Variants in KHDRBS2 observed in about 807,000 individuals in gnomAD.
KHDRBS2 encodes KH domain-containing, RNA-binding, signal transduction-associated protein 2.
A neutral mutation model predicts 44.3 loss-of-function variants in KHDRBS2; 26 were observed. The ratio of observed to expected loss-of-function variants is 0.59; its 90% CI spans 0.43 to 0.81. KHDRBS2 has a LOEUF of 0.81. Ranked by LOEUF, KHDRBS2 falls within the 40% of genes least tolerant of loss-of-function variation. The probability of loss-of-function intolerance (pLI) is 0.00; values close to 1 mark genes in which losing one functional copy is unlikely to be tolerated. For synonymous variants in KHDRBS2, 194 were observed against 151.1 expected (o/e 1.28, Z -2.08); for missense variants, 476 against 433.1 (o/e 1.10, Z -0.88).
chr6:61,655,194 G>T, the KHDRBS2 span, among the ~76,000 whole-genome samples: 1 of 149,936 alleles, frequency 6.7e-6, no homozygotes, highest in South Asian at 2.1e-4. Context: ...CCAAACACTA[G>T]GTTCTTAGAA....
intron 3 of KHDRBS2, among the ~76,000 whole-genome samples, chr6:62,033,337 A>T (rs1465624141): frequency 6.6e-6 from 1 of 151,988 alleles, no homozygotes; most frequent in African/African-American, 2.4e-5. Context: ...CTAGAGAAAG[A>T]TATCAATACT....
chr6:62,207,875 A>G (rs1828286308), intron 1 of KHDRBS2, among the ~76,000 whole-genome samples: 1 of 152,158 alleles, frequency 6.6e-6, no homozygotes, highest in Non-Finnish European at 1.5e-5. Flanking sequence ...AATAACATAC[A>G]CATCATCTCA....
chr6:61,796,635 T>A (rs535815645), intron 6 of KHDRBS2, among the ~76,000 whole-genome samples: 17 of 152,076 alleles, frequency 1.1e-4, no homozygotes, highest in Non-Finnish European at 2.1e-4. Context: ...GACAAAAGAA[T>A]CTACACAAAT....
rs1393107110 is a variant in KHDRBS2, at chr6:62,090,737, T to C, written c.220-42743A>G. Among the ~76,000 whole-genome samples the C allele has an allele frequency of 4.6e-5, 7 of 152,272 alleles. No homozygotes were observed. In the South Asian group the frequency reaches 8.3e-4, roughly 18 times the overall value. ...AGAAGTTGCTAAAATGAAGTATATA[T>C]GACAAATGTTACCCTTCATTTAAGT... is the stretch of plus-strand genomic sequence containing the variant. On this transcript the variant is annotated intron_variant, in intron 2 of 8. Coordinates refer to ENST00000281156, the MANE Select transcript of KHDRBS2 (RefSeq NM_152688.4).
At chr6:61,672,207 G>GGT in the KHDRBS2 span, among the ~76,000 whole-genome samples, 20 of 150,428 alleles carry the variant, frequency 1.3e-4, no homozygotes, top group African/African-American at 4.9e-4. Context: ...AGTATTCCAT[G>GGT]GTGTATATGT....
At chr6:62,281,465 C>A (rs2150196779) in intron 1 of KHDRBS2, among the ~76,000 whole-genome samples, 1 of 151,886 alleles carries the variant, frequency 6.6e-6, no homozygotes, top group East Asian at 1.9e-4. Context: ...ACTAAAAATA[C>A]AAAAATTAGC....
intron 2 of KHDRBS2, among the ~76,000 whole-genome samples, chr6:62,139,450 G>T (rs1382929685): frequency 6.6e-6 from 1 of 151,878 alleles, no homozygotes; most frequent in African/African-American, 2.4e-5. Flanking sequence ...TTACTTGGGA[G>T]GCTGAGGCAG....
rs181313909 is a variant in KHDRBS2, at chr6:62,144,586, T to C, written c.219+32599A>G. Among the ~76,000 whole-genome samples the C allele has an allele frequency of 4.9e-3, 744 of 152,044 alleles. 4 individuals are homozygous for C. Among genetic ancestry groups the C allele is most frequent in the Non-Finnish European group, 7.7e-3 (524 of 67,834 alleles). On this transcript the variant is annotated intron_variant, in intron 2 of 8. Coordinates refer to ENST00000281156, the MANE Select transcript of KHDRBS2 (RefSeq NM_152688.4). ...GCTCTTTACAAATATATTTAATGATTTGGATCTCATTTTCATCTTACCAAT... is the reference window on the plus strand; with the variant it reads ...GCTCTTTACAAATATATTTAATGATCTGGATCTCATTTTCATCTTACCAAT...
At chr6:62,089,121 A>T (rs1798996901) in intron 2 of KHDRBS2, among the ~76,000 whole-genome samples, 1 of 152,120 alleles carries the variant, frequency 6.6e-6, no homozygotes, top group Non-Finnish European at 1.5e-5. Flanking sequence ...TGCTGGCAGC[A>T]ATAATTTCAT....
chr6:62,117,267 G>A (rs114231052), intron 2 of KHDRBS2, among the ~76,000 whole-genome samples: 2 of 152,002 alleles, frequency 1.3e-5, no homozygotes, highest in Non-Finnish European at 2.9e-5. Flanking sequence ...AGCATATGTT[G>A]TTTTTTGTCT....
At chr6:61,939,742 A>G (rs1811772173) in intron 4 of KHDRBS2, among the ~76,000 whole-genome samples, 1 of 152,232 alleles carries the variant, frequency 6.6e-6, no homozygotes, top group African/African-American at 2.4e-5. Context: ...GAATTATTCA[A>G]TGTGAATTAT....
rs372746866 is a variant in KHDRBS2, at chr6:62,215,947, A to G, written c.92-38635T>C. On this transcript the variant is annotated intron_variant, in intron 1 of 8. Coordinates refer to ENST00000281156, the MANE Select transcript of KHDRBS2 (RefSeq NM_152688.4). ...CTCTATGATTGTTTATATGTCATAA[A>G]CTATATTTCCGTGAAGTTGGTATCA... Among the ~76,000 whole-genome samples, 14 of 151,942 alleles carry G rather than the reference A, an allele frequency of 9.2e-5. No homozygotes were observed. The East Asian group carries it at 2.5e-3, about 27-fold the overall frequency.
chr6:61,652,927 A>G, the KHDRBS2 span, among the ~76,000 whole-genome samples: 1 of 152,240 alleles, frequency 6.6e-6, no homozygotes, highest in Admixed American at 6.5e-5. Context: ...AGTACCTTTG[A>G]CTGCAAAGCT....
At chr6:62,060,770 G>C (rs909479030) in intron 2 of KHDRBS2, among the ~76,000 whole-genome samples, 2 of 151,710 alleles carry the variant, frequency 1.3e-5, no homozygotes, top group African/African-American at 4.8e-5. Flanking sequence ...ACTTGAATTT[G>C]AAGAAAGTAC....
At chr6:62,161,391 A>G (rs1817587701) in intron 2 of KHDRBS2, among the ~76,000 whole-genome samples, 1 of 151,496 alleles carries the variant, frequency 6.6e-6, no homozygotes, top group African/African-American at 2.4e-5. Context: ...AACACAAATA[A>G]TATCCAATAA....
intron 2 of KHDRBS2, among the ~76,000 whole-genome samples, chr6:62,133,316 G>T (rs1363176793): frequency 6.6e-6 from 1 of 152,172 alleles, no homozygotes. Context: ...TGTTCTCGTG[G>T]TAGTAAGTCT....
chr6:62,084,618 T>C (rs1798065409), intron 2 of KHDRBS2, among the ~76,000 whole-genome samples: 1 of 152,172 alleles, frequency 6.6e-6, no homozygotes, highest in Admixed American at 6.5e-5. Flanking sequence ...GACAAGGTTT[T>C]CTCTGAAATC....
In KHDRBS2 at chr6:61,845,744, G is replaced by A. The variant is rs151185711; in HGVS notation, c.810+48891C>T. ...ACGTGGAGAGAATAAATCTGAGAAAGCCTCTCTATACACCATTCTTTCCAA... is the reference window on the plus strand; with the variant it reads ...ACGTGGAGAGAATAAATCTGAGAAAACCTCTCTATACACCATTCTTTCCAA... On this transcript the variant is annotated intron_variant, in intron 6 of 8. Coordinates refer to ENST00000281156, the MANE Select transcript of KHDRBS2 (RefSeq NM_152688.4). 6.7e-4 allele frequency among the ~76,000 whole-genome samples: 102 copies of A among 152,298 alleles called. No individual in the cohort carries two copies. In the Middle Eastern group the frequency reaches 0.024, roughly 36 times the overall value.
At chr6:61,872,928 G>A (rs1007767975) in intron 6 of KHDRBS2, among the ~76,000 whole-genome samples, 1 of 152,084 alleles carries the variant, frequency 6.6e-6, no homozygotes, top group Non-Finnish European at 1.5e-5. Context: ...ATTTATAGGT[G>A]AAAGAATAGA....
Sources: allele counts gnomAD v4.1 joint callset (sites outside exome capture counted in the v4.1 genomes callset), GRCh38; gene constraint gnomAD v4.1.1; transcripts MANE v1.5; gene names NCBI Gene and HGNC (gene_info 2026-07-23, HGNC 2026-07-21).